EDNRA: variants seen among roughly 807,000 people sequenced by gnomAD.
EDNRA encodes the protein endothelin-1 receptor.
EDNRA carries 11 observed loss-of-function variants against 41.4 expected under a neutral mutation model. The ratio of observed to expected loss-of-function variants is 0.27; its 90% CI spans 0.17 to 0.44. The LOEUF (loss-of-function observed/expected upper bound fraction) is 0.44. EDNRA is among the 20% of genes least tolerant of loss of function. The pLI, the probability that EDNRA is intolerant of heterozygous loss-of-function variation, is 1.00. For synonymous variants in EDNRA, 172 were observed against 183.0 expected, an observed-to-expected ratio of 0.94 and a Z score of 0.49; for missense variants, 294 against 531.0, an observed-to-expected ratio of 0.55 and a Z score of 4.39.
At chr4:147,532,806 T>A in intron 4 of EDNRA, 102 bp downstream of exon 4, 4 of 1,237,528 alleles carry the variant, frequency 3.2e-6, no homozygotes, top group Non-Finnish European at 4.7e-6. Context: ...TCAAGTGTGG[T>A]TTCTTCTGTC....
chr4:147,503,091 T>C (rs186265221), intron 2 of EDNRA, among the ~76,000 whole-genome samples: 5 of 152,232 alleles, frequency 3.3e-5, no homozygotes, highest in Non-Finnish European at 5.9e-5. Flanking sequence ...TTAGTTTGGA[T>C]AAAAAAGAGA....
At chr4:147,484,427 C>T (rs765941354) in intron 1 of EDNRA, among the ~76,000 whole-genome samples, 34 of 152,126 alleles carry the variant, frequency 2.2e-4, no homozygotes, top group Non-Finnish European at 3.7e-4. Flanking sequence ...TTAACAGCTC[C>T]GGCTCAGAGT....
intron 3 of EDNRA, among the ~76,000 whole-genome samples, chr4:147,520,227 C>T (rs1019919153): frequency 2.0e-5 from 3 of 151,934 alleles, no homozygotes; most frequent in African/African-American, 7.3e-5. Flanking sequence ...GCCCTTTTGG[C>T]AATAAAGTGA....
At chr4:147,514,029 G>A (rs145232531) in intron 2 of EDNRA, among the ~76,000 whole-genome samples, 34 of 152,290 alleles carry the variant, frequency 2.2e-4, no homozygotes, top group African/African-American at 6.0e-4. Context: ...TAAATGGTAC[G>A]TTTCAGTTTA....
At chr4:147,524,719 A>G (rs767601185) in intron 3 of EDNRA, among the ~76,000 whole-genome samples, 2 of 152,086 alleles carry the variant, frequency 1.3e-5, no homozygotes, top group Non-Finnish European at 2.9e-5. Flanking sequence ...ACACTTTACT[A>G]TTTTTACATT....
intron 4 of EDNRA, 37 bp from the exon 5 acceptor site, chr4:147,535,840 C>T: frequency 6.3e-7 from 1 of 1,595,634 alleles, no homozygotes. Flanking sequence ...CATGACTCTG[C>T]TCCTCCTTTT....
Position 147,485,717 on chromosome 4 carries a change from G to A in EDNRA, c.36G>A (p.Leu12=), listed in dbSNP as rs1728919793. 2 of 1,611,982 alleles carry A rather than the reference G, an allele frequency of 1.2e-6. No homozygotes were observed. The highest frequency in any genetic ancestry group is 1.7e-6 in the Non-Finnish European group (2 of 1,178,574). Residue 12 remains leucine, a synonymous_variant, in exon 2 of 8, where the codon CTG becomes CTA. Coordinates refer to ENST00000651419, the MANE Select transcript of EDNRA (RefSeq NM_001957.4). The part of the protein sequence containing the change: ...ETLCLRASFW[L]ALVGCVISDN... Reference sequence around the variant, plus strand: ...TTTGCCTCAGGGCATCCTTTTGGCTGGCACTGGTTGGATGTGTAATCAGTG... The same window carrying A: ...TTTGCCTCAGGGCATCCTTTTGGCTAGCACTGGTTGGATGTGTAATCAGTG...
intron 2 of EDNRA, among the ~76,000 whole-genome samples, chr4:147,518,953 T>C (rs1441730056): frequency 6.6e-6 from 1 of 152,224 alleles, no homozygotes; most frequent in Non-Finnish European, 1.5e-5. Context: ...CCTAGTATAA[T>C]ACCTAATTAG....
intron 2 of EDNRA, chr4:147,490,085 G>T (rs990030982): frequency 6.6e-6 from 1 of 150,984 alleles, no homozygotes; most frequent in Non-Finnish European, 1.5e-5. Context: ...TATATATGTT[G>T]CATCTAACAG....
rs201658129 is a variant in EDNRA at position 147,544,670 on chromosome 4, T to C, written c.*2052T>C. 2 of 152,454 alleles carry C rather than the reference T, an allele frequency of 1.3e-5. No homozygotes were observed. Among genetic ancestry groups the C allele is most frequent in the Non-Finnish European group, 2.9e-5 (2 of 68,018 alleles). The allele number at this position is 152,454 out of a possible 1,614,324, so 9.4% of individuals were successfully genotyped here. A position where few individuals can be genotyped will look rare whatever the true frequency, so the allele number is the denominator to read the frequency against. On this transcript the variant is annotated 3_prime_UTR_variant, in exon 8 of 8. Coordinates refer to ENST00000651419, the MANE Select transcript of EDNRA (RefSeq NM_001957.4). ...ATATGCCTATAATATAAGCCATAGG[T>C]TCACACCATTTTGTTTAGACAATTG... is the stretch of plus-strand genomic sequence containing the variant.
chr4:147,502,489 T>G (rs1196208250), intron 2 of EDNRA, among the ~76,000 whole-genome samples: 1 of 152,252 alleles, frequency 6.6e-6, no homozygotes, highest in East Asian at 1.9e-4. Flanking sequence ...ATCTTCAACT[T>G]GAACAGCTTT....
intron 2 of EDNRA, among the ~76,000 whole-genome samples, chr4:147,514,445 G>A (rs2126438847): frequency 6.6e-6 from 1 of 151,762 alleles, no homozygotes; most frequent in Non-Finnish European, 1.5e-5. Flanking sequence ...CAGGCTACAT[G>A]GCCCCAACAC....
chr4:147,517,105 A>C (rs910419571), intron 2 of EDNRA, among the ~76,000 whole-genome samples: 28 of 152,312 alleles, frequency 1.8e-4, no homozygotes, highest in African/African-American at 6.5e-4. Context: ...CTTGACTGGA[A>C]GGGAGACTTA....
At chr4:147,526,800 A>C (rs936122768) in intron 3 of EDNRA, among the ~76,000 whole-genome samples, 13 of 152,196 alleles carry the variant, frequency 8.5e-5, no homozygotes, top group African/African-American at 2.9e-4. Context: ...ATTTTTAAAA[A>C]TTAGCCTGTC....
intron 2 of EDNRA, chr4:147,495,687 T>A (rs987527520): frequency 6.6e-5 from 10 of 152,264 alleles, no homozygotes; most frequent in African/African-American, 2.4e-4. Context: ...CATCTAGTTA[T>A]CACTTGAAAG....
chr4:147,525,178 T>C (rs1730490837), intron 3 of EDNRA, among the ~76,000 whole-genome samples: 1 of 152,246 alleles, frequency 6.6e-6, no homozygotes, highest in African/African-American at 2.4e-5. Context: ...TACAGAATGA[T>C]GTAAGATCAA....
chr4:147,490,979 A>G (rs1412585510), intron 2 of EDNRA: 3 of 152,338 alleles, frequency 2.0e-5, no homozygotes, highest in Non-Finnish European at 4.4e-5. Flanking sequence ...ATGGCTTGCC[A>G]TAGACGCTTT....
chr4:147,498,681 C>G (rs1229278654), intron 2 of EDNRA, among the ~76,000 whole-genome samples: 4 of 152,208 alleles, frequency 2.6e-5, no homozygotes, highest in Admixed American at 6.5e-5. Flanking sequence ...GCCCCTTCCT[C>G]TCATCCCTGG....
At chr4:147,524,492 G>A (rs563613161) in intron 3 of EDNRA, among the ~76,000 whole-genome samples, 1 of 151,320 alleles carries the variant, frequency 6.6e-6, no homozygotes, top group East Asian at 1.9e-4. Flanking sequence ...TAAAAAGAAA[G>A]GAAGGACTGA....
Sources: allele counts gnomAD v4.1 joint callset (sites outside exome capture counted in the v4.1 genomes callset), GRCh38; gene constraint gnomAD v4.1.1; transcripts MANE v1.5; gene names NCBI Gene and HGNC (gene_info 2026-07-23, HGNC 2026-07-21).